CCSER2: variants seen among roughly 807,000 people sequenced by gnomAD.
The protein encoded by CCSER2 is serine-rich coiled-coil domain-containing protein 2.
Under a neutral mutation model 92.3 loss-of-function variants are expected in CCSER2, and 46 were observed. That is an observed-to-expected ratio of 0.50 (90% confidence interval 0.39 to 0.64). The LOEUF (loss-of-function observed/expected upper bound fraction) is 0.64, where lower values mean the gene tolerates loss of function less well. Ranked by LOEUF, CCSER2 falls within the 30% of genes least tolerant of loss-of-function variation. The pLI is 0.00. For missense variants in CCSER2, 1,244 were observed against 1,238.9 expected, an observed-to-expected ratio of 1.00 and a Z score of -0.06; for synonymous variants, 433 against 431.4, an observed-to-expected ratio of 1.00 and a Z score of -0.04.
At chr10:84,508,134 A>G (rs1181336021) in intron 9 of CCSER2, among the ~76,000 whole-genome samples, 1 of 152,204 alleles carries the variant, frequency 6.6e-6, no homozygotes, top group African/African-American at 2.4e-5. Context: ...TGGCTTTGCC[A>G]CTTGCCAAAA....
rs1189139299 is a variant in CCSER2, at chr10:84,517,073, CTG to C, written c.*2809_*2810del. 2 of 152,176 alleles carry C rather than the reference CTG, an allele frequency of 1.3e-5. No individual in the cohort carries two copies. Among genetic ancestry groups the C allele is most frequent in the African/African-American group, 2.4e-5 (1 of 41,442 alleles). The allele number at this position is 152,176 out of a possible 1,614,324, so 9.4% of individuals were successfully genotyped here. ...TTGCTTCTATTAATGTAAATCAACT[CTG>C]TGCCAAATCCTCCTCCACAAACCAT... On this transcript the variant is annotated 3_prime_UTR_variant, in exon 10 of 10. Transcript: ENST00000372088.
chr10:84,386,765 T>C (rs1268750498), intron 3 of CCSER2, among the ~76,000 whole-genome samples: 1 of 152,090 alleles, frequency 6.6e-6, no homozygotes, highest in Admixed American at 6.5e-5. Context: ...AAAAGAAGAA[T>C]GAAGCTGTAT....
chr10:84,367,579 A>G lies in CCSER2; in HGVS notation c.-39-3435A>G, dbSNP rs905983171. Reference sequence around the variant, plus strand: ...TTTTTTGTAGAGATGAGGTTTTGCCATGTTGTCCAGGCTGGTCTCACACTC... The same window carrying G: ...TTTTTTGTAGAGATGAGGTTTTGCCGTGTTGTCCAGGCTGGTCTCACACTC... On this transcript the variant is annotated intron_variant, in intron 1 of 9. Transcript: ENST00000372088. Among the ~76,000 whole-genome samples the G allele has an allele frequency of 4.0e-5, 6 of 151,724 alleles. No individual in the cohort carries two copies. In the South Asian group the frequency reaches 6.2e-4, roughly 16 times the overall value.
intron 1 of CCSER2, among the ~76,000 whole-genome samples, chr10:84,343,754 A>G (rs1453668206): frequency 6.6e-6 from 1 of 152,252 alleles, no homozygotes; most frequent in East Asian, 1.9e-4. Context: ...GATATGTGCC[A>G]GAAAGGATCT....
intron 8 of CCSER2, among the ~76,000 whole-genome samples, chr10:84,476,718 C>G (rs1297028959): frequency 2.0e-5 from 3 of 152,126 alleles, no homozygotes. Flanking sequence ...GCTGGGATTA[C>G]AGGCGTGAGC....
At chr10:84,455,895 G>C (rs1564682390) in intron 6 of CCSER2, 2 of 699,736 alleles carry the variant, frequency 2.9e-6, no homozygotes, top group Admixed American at 1.8e-5. Context: ...TTATCAAGAA[G>C]TTCTGCTTTC....
chr10:84,372,833 A>G (rs902277203), intron 2 of CCSER2, among the ~76,000 whole-genome samples: 10 of 152,216 alleles, frequency 6.6e-5, no homozygotes, highest in East Asian at 3.9e-4. Flanking sequence ...TTTCATTGCT[A>G]TTTGTTAAGA....
intron 3 of CCSER2, among the ~76,000 whole-genome samples, chr10:84,416,425 T>G (rs755678894): frequency 6.6e-6 from 1 of 152,194 alleles, no homozygotes; most frequent in Non-Finnish European, 1.5e-5. Context: ...TGTGTACAGT[T>G]TAATTGCATG....
intron 4 of CCSER2, among the ~76,000 whole-genome samples, chr10:84,422,230 C>G (rs1589618479): frequency 6.6e-6 from 1 of 152,176 alleles, no homozygotes; most frequent in East Asian, 1.9e-4. Context: ...GTTCAAAGTA[C>G]TCATCTTGCC....
intron 9 of CCSER2, among the ~76,000 whole-genome samples, chr10:84,497,391 G>A (rs1436428028): frequency 6.6e-6 from 1 of 152,216 alleles, no homozygotes; most frequent in African/African-American, 2.4e-5. Flanking sequence ...ATAGATGGGT[G>A]CCCCTTGGCG....
At chr10:84,431,564 T>C (rs974024758) in intron 5 of CCSER2, among the ~76,000 whole-genome samples, 1 of 151,900 alleles carries the variant, frequency 6.6e-6, no homozygotes, top group African/African-American at 2.4e-5. Context: ...ACATATTGAG[T>C]CCTCGTTTTG....
chr10:84,480,928 A>G (rs1847421085), intron 9 of CCSER2, among the ~76,000 whole-genome samples: 1 of 152,140 alleles, frequency 6.6e-6, no homozygotes, highest in South Asian at 2.1e-4. Flanking sequence ...GAAGAAATGC[A>G]TTACCTTTAA....
intron 1 of CCSER2, among the ~76,000 whole-genome samples, chr10:84,355,536 A>G (rs1385111560): frequency 2.0e-5 from 3 of 152,120 alleles, no homozygotes; most frequent in South Asian, 4.1e-4. Context: ...GCTACCCCAT[A>G]TACTCTGCTC....
intron 7 of CCSER2, among the ~76,000 whole-genome samples, chr10:84,469,127 C>T (rs1846628169): frequency 1.3e-5 from 2 of 152,054 alleles, no homozygotes; most frequent in South Asian, 4.1e-4. Context: ...CATGGATTAT[C>T]AATAGCTTTT....
chr10:84,379,136 AAC>A (rs1260586465), intron 3 of CCSER2, among the ~76,000 whole-genome samples: 4 of 152,328 alleles, frequency 2.6e-5, no homozygotes, highest in Admixed American at 1.3e-4. Flanking sequence ...GGTTTTTAAT[AAC>A]AGTTTTAATT....
chr10:84,442,883 A>G (rs1400762415), intron 6 of CCSER2, among the ~76,000 whole-genome samples: 1 of 152,240 alleles, frequency 6.6e-6, no homozygotes, highest in African/African-American at 2.4e-5. Flanking sequence ...CCTGACAAAA[A>G]CAAGCAATGG....
rs1345003810 is a variant in CCSER2 at position 84,518,151 on chromosome 10, G to C, written c.*3884G>C. 1 of 152,110 alleles carries C rather than the reference G, an allele frequency of 6.6e-6. No homozygotes were observed. The highest frequency in any genetic ancestry group is 1.5e-5 in the Non-Finnish European group (1 of 68,028). The allele number at this position is 152,110 out of a possible 1,614,324, so 9.4% of individuals were successfully genotyped here. On this transcript the variant is annotated 3_prime_UTR_variant, in exon 10 of 10. Coordinates refer to ENST00000372088, the MANE Select transcript of CCSER2 (RefSeq NM_001284240.2). ...AGTGATTTTTCACATCTCCCTTTAA[G>C]TTTTTGCTGCAGCAATTTGAGAGAG...
In CCSER2 at chr10:84,372,185, A is replaced by G. The variant is rs780048075; in HGVS notation, c.1133A>G (p.Asn378Ser). 1 of 1,613,652 alleles carries G rather than the reference A, an allele frequency of 6.2e-7. No homozygotes were observed. The highest frequency in any genetic ancestry group is 8.5e-7 in the Non-Finnish European group (1 of 1,179,780). ...IENESYRTKN[N>S]QTMKHDAKMR... ...AATGAAAGTTATAGAACAAAAAACA[A>G]CCAGACCATGAAACATGATGCTAAA... The change falls in exon 2 of 10, where the codon AAC becomes AGC. Residue 378 changes from asparagine to serine, a missense_variant. Coordinates refer to ENST00000372088, the MANE Select transcript of CCSER2 (RefSeq NM_001284240.2).
chr10:84,484,691 A>G (rs889777614), intron 9 of CCSER2, among the ~76,000 whole-genome samples: 1 of 152,196 alleles, frequency 6.6e-6, no homozygotes, highest in East Asian at 1.9e-4. Flanking sequence ...GTTTTACTCA[A>G]TATTAGACAT....
Sources: allele counts gnomAD v4.1 joint callset (sites outside exome capture counted in the v4.1 genomes callset), GRCh38; gene constraint gnomAD v4.1.1; transcripts MANE v1.5; gene names NCBI Gene and HGNC (gene_info 2026-07-23, HGNC 2026-07-21).